Variants in FAM120B observed in about 807,000 individuals in gnomAD.
The protein encoded by FAM120B is constitutive coactivator of peroxisome proliferator-activated receptor gamma.
In FAM120B, 83 loss-of-function variants were observed where a neutral mutation model predicts 96.3. The ratio of observed to expected loss-of-function variants is 0.86; its 90% CI spans 0.72 to 1.03. FAM120B has a LOEUF of 1.03. Ranked by LOEUF, FAM120B falls within the 50% of genes least tolerant of loss-of-function variation. The pLI is 0.00. For missense variants in FAM120B, 1,027 were observed against 1,121.2 expected (o/e 0.92, Z 1.20); for synonymous variants, 407 against 402.7 (o/e 1.01, Z -0.13).
At chr6:170,294,946 G>C (rs943795820), upstream of FAM120B, among the ~76,000 whole-genome samples, 3 of 152,196 alleles carry the variant, frequency 2.0e-5, no homozygotes, top group African/African-American at 7.2e-5. The surrounding 1 kb of genome is among the most constrained non-coding windows in gnomAD (Gnocchi z 7.9). Flanking sequence ...AGCAAATCTG[G>C]TGTTGATCAA....
chr6:170,303,454 C>T (rs1053094552), upstream of FAM120B, among the ~76,000 whole-genome samples: 2 of 152,222 alleles, frequency 1.3e-5, no homozygotes, highest in Admixed American at 1.3e-4. Context: ...GTTGCCCAGG[C>T]TGGTCTCCAA....
intron 5 of FAM120B, 61 bp downstream of exon 5, chr6:170,348,384 T>C: frequency 6.8e-7 from 1 of 1,466,954 alleles, no homozygotes; most frequent in Admixed American, 1.8e-5. Flanking sequence ...AGAGGGAGCA[T>C]GTGGGATATT....
At chr6:170,401,089 A>G (rs911062161) in intron 9 of FAM120B, among the ~76,000 whole-genome samples, 1 of 152,196 alleles carries the variant, frequency 6.6e-6, no homozygotes, top group African/African-American at 2.4e-5. Flanking sequence ...CAGCATAATG[A>G]CTTTCCATAG....
At chr6:170,304,106 T>G (rs1784201609), upstream of FAM120B, among the ~76,000 whole-genome samples, 1 of 152,250 alleles carries the variant, frequency 6.6e-6, no homozygotes, top group Non-Finnish European at 1.5e-5. Flanking sequence ...GGCTAATTTC[T>G]TAATTTTGGA....
At chr6:170,379,689 T>A (rs570624275) in intron 6 of FAM120B, among the ~76,000 whole-genome samples, 1 of 152,362 alleles carries the variant, frequency 6.6e-6, no homozygotes, top group South Asian at 2.1e-4. Context: ...AACTGTCTCA[T>A]AATTAATTTC....
At chr6:170,376,554 C>T (rs1171370639) in intron 6 of FAM120B, among the ~76,000 whole-genome samples, 2 of 152,064 alleles carry the variant, frequency 1.3e-5, no homozygotes, top group East Asian at 1.9e-4. Context: ...GGGATGACCA[C>T]GTGCAGCAGA....
intron 6 of FAM120B, among the ~76,000 whole-genome samples, chr6:170,367,996 T>C (rs78543558): frequency 0.018 from 2,681 of 152,290 alleles, 80 homozygotes; most frequent in African/African-American, 0.061. Flanking sequence ...ATCAAGTGCC[T>C]TTTTAAGATG....
At chr6:170,394,486 CCGCAGCA>C in intron 8 of FAM120B, among the ~76,000 whole-genome samples, 3 of 148,578 alleles carry the variant, frequency 2.0e-5, no homozygotes, top group African/African-American at 7.4e-5. Context: ...TCCGTGGACA[CCGCAGCA>C]TGCCAGCACA....
chr6:170,299,791 T>A (rs987960628), intron 1 of FAM120B, among the ~76,000 whole-genome samples: 2 of 152,300 alleles, frequency 1.3e-5, no homozygotes, highest in African/African-American at 4.8e-5. Context: ...GTGGTTTGAG[T>A]GCTGGTTGAT....
chr6:170,343,544 T>TTCTATAA (rs1786977311), intron 4 of FAM120B, among the ~76,000 whole-genome samples: 2 of 152,086 alleles, frequency 1.3e-5, no homozygotes, highest in Admixed American at 6.5e-5. Context: ...TCTGGTGATT[T>TTCTATAA]TCTATAATCT....
intron 6 of FAM120B, among the ~76,000 whole-genome samples, chr6:170,362,423 G>A (rs2115208134): frequency 6.6e-6 from 1 of 152,282 alleles, no homozygotes; most frequent in South Asian, 2.1e-4. Context: ...TAGGAATGTG[G>A]AAAGAGGTAT....
At chr6:170,341,695 A>G (rs1185347094) in intron 4 of FAM120B, among the ~76,000 whole-genome samples, 1 of 152,176 alleles carries the variant, frequency 6.6e-6, no homozygotes, top group Non-Finnish European at 1.5e-5. Flanking sequence ...TCTGGGCTGG[A>G]TAGCACCATC....
chr6:170,396,718 C>T (rs1281285763), intron 9 of FAM120B, among the ~76,000 whole-genome samples: 1 of 152,122 alleles, frequency 6.6e-6, no homozygotes, highest in Admixed American at 6.5e-5. Flanking sequence ...CTAAATCATC[C>T]GAGTATTTAT....
chr6:170,401,395 G>T (rs1259522174), intron 9 of FAM120B, among the ~76,000 whole-genome samples: 1 of 152,132 alleles, frequency 6.6e-6, no homozygotes, highest in Non-Finnish European at 1.5e-5. Flanking sequence ...GACAGGACAT[G>T]GGGGGCTGGC....
rs191175228 is a variant in FAM120B at position 170,367,888 on chromosome 6, C to A, written c.2283+9570C>A. ...TCCACCTAATTCTCCTACACAAAGA[C>A]CCTCGCCATGATAAAACCTGGATTT... On this transcript the variant is annotated intron_variant, in intron 6 of 10. Transcript: ENST00000476287. 5.9e-5 allele frequency among the ~76,000 whole-genome samples: 9 copies of A among 152,258 alleles called. No individual in the cohort carries two copies. In the East Asian group the frequency reaches 1.7e-3, roughly 29 times the overall value.
chr6:170,400,456 G>A (rs937651373), intron 9 of FAM120B, among the ~76,000 whole-genome samples: 2 of 152,096 alleles, frequency 1.3e-5, no homozygotes, highest in Non-Finnish European at 2.9e-5. Context: ...TTTTCTTCCA[G>A]AGGCGGCCTG....
intron 4 of FAM120B, among the ~76,000 whole-genome samples, chr6:170,331,047 T>C (rs560667959): frequency 6.6e-6 from 1 of 152,302 alleles, no homozygotes. Flanking sequence ...GGAAAAAAGG[T>C]TATATTTTCA....
At chr6:170,302,603 TTC>T (rs1257727953), upstream of FAM120B, among the ~76,000 whole-genome samples, 4 of 152,210 alleles carry the variant, frequency 2.6e-5, no homozygotes, top group Non-Finnish European at 4.4e-5. Flanking sequence ...TTTTCTGGGT[TTC>T]TCTCTCACAG....
At chr6:170,298,934 A>T (rs141588181) in intron 1 of FAM120B, among the ~76,000 whole-genome samples, 4 of 152,324 alleles carry the variant, frequency 2.6e-5, no homozygotes, top group Non-Finnish European at 5.9e-5. Context: ...CTAGGGCAAG[A>T]CATGCAGGAA....
Sources: allele counts gnomAD v4.1 joint callset (sites outside exome capture counted in the v4.1 genomes callset), GRCh38; gene constraint gnomAD v4.1.1; non-coding constraint Gnocchi (gnomAD v3.1); transcripts MANE v1.5; gene names NCBI Gene and HGNC (gene_info 2026-07-23, HGNC 2026-07-21).